Variants in ST8SIA4 observed in about 807,000 individuals in gnomAD.
ST8SIA4 encodes CMP-N-acetylneuraminate-poly-alpha-2,8-sialyltransferase.
Under a neutral mutation model 33.9 loss-of-function variants are expected in ST8SIA4, and 15 were observed. That is an observed-to-expected ratio of 0.44 (90% CI 0.30 to 0.68). The LOEUF is 0.68. Ranked by LOEUF, ST8SIA4 falls within the 30% of genes least tolerant of loss-of-function variation. The pLI, the probability that ST8SIA4 is intolerant of heterozygous loss-of-function variation, is 0.10. For synonymous variants in ST8SIA4, 171 were observed against 151.2 expected (o/e 1.13, Z -0.96); for missense variants, 321 against 428.0 (o/e 0.75, Z 2.21).
chr5:100,876,348 G>A (rs1479333747), intron 3 of ST8SIA4, among the ~76,000 whole-genome samples: 2 of 151,976 alleles, frequency 1.3e-5, no homozygotes, highest in Admixed American at 6.6e-5. Context: ...GCTCCCATTT[G>A]CTTTTTTTCC....
Position 100,902,850 on chromosome 5 carries a change from G to A in ST8SIA4, c.106C>T (p.Leu36Phe), listed in dbSNP as rs1406252954. The A allele has an allele frequency of 3.7e-6, 6 of 1,613,344 alleles. No individual in the cohort carries two copies. The South Asian group carries it at 5.5e-5, about 15-fold the overall frequency. Residue 36 changes from leucine (L) to phenylalanine (F), a missense_variant, in exon 1 of 5, where the codon CTC (leucine) becomes TTC (phenylalanine). Transcript: ENST00000231461. ...ARTEEHQETQ[L>F]IGDGELSLSR... The stretch of plus-strand genomic sequence containing the variant: ...ATGAAGCTTTGCATTTACCCGATGA[G>A]TTGCGTCTCCTGGTGCTCCTCAGTT...
chr5:100,871,308 C>A (rs1429453428), intron 3 of ST8SIA4, among the ~76,000 whole-genome samples: 5 of 152,110 alleles, frequency 3.3e-5, no homozygotes, highest in South Asian at 4.1e-4. Flanking sequence ...ATTGTACCAG[C>A]CAGTCAATTC....
intron 3 of ST8SIA4, among the ~76,000 whole-genome samples, chr5:100,864,292 G>A (rs956720170): frequency 2.0e-5 from 3 of 151,870 alleles, no homozygotes; most frequent in Non-Finnish European, 2.9e-5. Context: ...TTATAAAAGC[G>A]GGCCGGGTGC....
chr5:100,885,676 T>G, intron 3 of ST8SIA4: 2 of 942,736 alleles, frequency 2.1e-6, no homozygotes, highest in Non-Finnish European at 2.5e-6. Context: ...ATATTTATGA[T>G]GTGATTATAA....
chr5:100,815,122 A>T (rs1266802719), intron 4 of ST8SIA4, among the ~76,000 whole-genome samples: 2 of 151,922 alleles, frequency 1.3e-5, no homozygotes, highest in Non-Finnish European at 2.9e-5. Flanking sequence ...TTTACATTCA[A>T]ACAATAATTT....
intron 3 of ST8SIA4, among the ~76,000 whole-genome samples, chr5:100,875,404 A>G (rs1016445271): frequency 1.9e-4 from 29 of 152,212 alleles, no homozygotes; most frequent in African/African-American, 5.3e-4. Context: ...AGTTATCCTG[A>G]CATATCTCAA....
intron 3 of ST8SIA4, among the ~76,000 whole-genome samples, chr5:100,866,210 G>C (rs1227353688): frequency 6.6e-6 from 1 of 152,060 alleles, no homozygotes; most frequent in African/African-American, 2.4e-5. Context: ...TAATTACATA[G>C]TTATGTTAGT....
chr5:100,840,294 G>T (rs1194222961), intron 4 of ST8SIA4, among the ~76,000 whole-genome samples: 4 of 151,720 alleles, frequency 2.6e-5, no homozygotes, highest in African/African-American at 9.7e-5. Context: ...ACATACAGTT[G>T]TTTGATGAAA....
chr5:100,902,416 A>G (rs1298677483), intron 1 of ST8SIA4, among the ~76,000 whole-genome samples: 1 of 152,174 alleles, frequency 6.6e-6, no homozygotes, highest in Non-Finnish European at 1.5e-5. Context: ...CCTGCTTTCT[A>G]AGCTTTAACT....
intron 4 of ST8SIA4, among the ~76,000 whole-genome samples, chr5:100,844,865 G>A (rs1460374740): frequency 2.0e-5 from 3 of 151,992 alleles, no homozygotes; most frequent in Non-Finnish European, 4.4e-5. Context: ...TGGGGGGTAA[G>A]GTTTTAGAGC....
chr5:100,827,463 T>C (rs537006844), intron 4 of ST8SIA4, among the ~76,000 whole-genome samples: 2 of 152,318 alleles, frequency 1.3e-5, no homozygotes, highest in Admixed American at 6.5e-5. Context: ...CACATCTGCA[T>C]ATTTAATATG....
chr5:100,819,904 T>G (rs545227438), intron 4 of ST8SIA4, among the ~76,000 whole-genome samples: 255 of 152,332 alleles, frequency 1.7e-3, no homozygotes, highest in African/African-American at 5.9e-3. Flanking sequence ...CAATGCTGGA[T>G]ACACAGTAGG....
chr5:100,870,311 A>G (rs1752171627), intron 3 of ST8SIA4, among the ~76,000 whole-genome samples: 2 of 152,098 alleles, frequency 1.3e-5, no homozygotes, highest in South Asian at 4.1e-4. Context: ...AAGATCATGG[A>G]AAGTATTTGT....
chr5:100,885,471 A>T (rs1002046618), intron 3 of ST8SIA4: 4 of 939,114 alleles, frequency 4.3e-6, no homozygotes, highest in African/African-American at 3.6e-5. Context: ...ATATTCAAAA[A>T]TAATGTATTC....
chr5:100,852,114 CTTTTTTTTTTTT>C (rs773074391), intron 4 of ST8SIA4, among the ~76,000 whole-genome samples: 3 of 83,482 alleles, frequency 3.6e-5, no homozygotes, highest in South Asian at 5.2e-4. Flanking sequence ...CTCCACTCTT[CTTTTTTTTTTTT>C]TTTTTTTTTT....
intron 1 of ST8SIA4, among the ~76,000 whole-genome samples, chr5:100,899,958 G>C (rs542777086): frequency 1.3e-5 from 2 of 152,252 alleles, no homozygotes; most frequent in African/African-American, 4.8e-5. Flanking sequence ...ACCTATGCTG[G>C]AACAATTCCT....
intron 1 of ST8SIA4, among the ~76,000 whole-genome samples, chr5:100,897,381 G>A (rs1445474061): frequency 6.6e-6 from 1 of 152,110 alleles, no homozygotes; most frequent in Non-Finnish European, 1.5e-5. Flanking sequence ...CTTTATAAAT[G>A]TAAACCCAGA....
At chr5:100,823,980 G>C (rs1194018454) in intron 4 of ST8SIA4, among the ~76,000 whole-genome samples, 2 of 152,090 alleles carry the variant, frequency 1.3e-5, no homozygotes, top group Non-Finnish European at 2.9e-5. Flanking sequence ...ACTTAAAGAG[G>C]GTGAAATATA....
intron 3 of ST8SIA4, among the ~76,000 whole-genome samples, chr5:100,874,617 C>T (rs1752266950): frequency 6.6e-6 from 1 of 151,720 alleles, no homozygotes; most frequent in South Asian, 2.1e-4. Context: ...CTTGTTCTTG[C>T]TCTTTTATGC....
Sources: allele counts gnomAD v4.1 joint callset (sites outside exome capture counted in the v4.1 genomes callset), GRCh38; gene constraint gnomAD v4.1.1; transcripts MANE v1.5; gene names NCBI Gene and HGNC (gene_info 2026-07-23, HGNC 2026-07-21).